Variants in OCLN observed in about 807,000 individuals in gnomAD.
OCLN encodes the protein occludin, also known as phosphatase 1, regulatory subunit 115.
Under a neutral mutation model 47.9 loss-of-function variants are expected in OCLN, and 21 were observed. The observed-to-expected ratio is 0.44, with a 90% confidence interval of 0.31 to 0.63. OCLN has a LOEUF of 0.63. Among genes scored for constraint, OCLN ranks in the 30% least tolerant of loss-of-function variants. The probability of loss-of-function intolerance (pLI) is 0.08; values close to 1 mark genes in which losing one functional copy is unlikely to be tolerated. For synonymous variants in OCLN, 117 were observed against 198.4 expected (o/e 0.59, Z 3.45); for missense variants, 360 against 571.0 (o/e 0.63, Z 3.77).
At chr5:69,507,590 T>A (rs550848978) in intron 2 of OCLN, among the ~76,000 whole-genome samples, 5 of 152,304 alleles carry the variant, frequency 3.3e-5, no homozygotes, top group African/African-American at 1.2e-4. Context: ...TTTTATACTT[T>A]CATTAAAAAT....
intron 1 of OCLN, among the ~76,000 whole-genome samples, chr5:69,494,181 G>C (rs892588203): frequency 3.1e-5 from 2 of 64,906 alleles, no homozygotes; most frequent in African/African-American, 1.3e-4. Context: ...TACATATGAG[G>C]TGCTTGTGTG....
At chr5:69,502,096 G>A (rs542553906) in intron 1 of OCLN, among the ~76,000 whole-genome samples, 2 of 152,236 alleles carry the variant, frequency 1.3e-5, no homozygotes, top group East Asian at 1.9e-4. Context: ...CTACTCGGGA[G>A]GCTGAGGCAG....
At chr5:69,536,345 A>AT (rs1251626093) in intron 5 of OCLN, among the ~76,000 whole-genome samples, 2 of 142,606 alleles carry the variant, frequency 1.4e-5, no homozygotes, top group Middle Eastern at 3.5e-3. Context: ...TATAACTTTA[A>AT]TTTTTTTGAC....
chr5:69,494,017 T>G (rs1185506081), intron 1 of OCLN, among the ~76,000 whole-genome samples: 3 of 152,232 alleles, frequency 2.0e-5, no homozygotes, highest in African/African-American at 7.2e-5. Context: ...CCAGTCAGTG[T>G]GTGGCCCTTA....
At chr5:69,533,288 G>A (rs1769499471) in intron 4 of OCLN, among the ~76,000 whole-genome samples, 1 of 152,084 alleles carries the variant, frequency 6.6e-6, no homozygotes, top group Non-Finnish European at 1.5e-5. Flanking sequence ...TTTGGGCCAA[G>A]GTTGAGAACA....
At chr5:69,518,647 C>A (rs1265238358) in intron 4 of OCLN, among the ~76,000 whole-genome samples, 2 of 152,232 alleles carry the variant, frequency 1.3e-5, no homozygotes, top group African/African-American at 4.8e-5. Flanking sequence ...GGAATTGTGT[C>A]ATCCTGCATC....
chr5:69,514,776 A>G (rs1397590547), intron 4 of OCLN, among the ~76,000 whole-genome samples: 2 of 152,168 alleles, frequency 1.3e-5, no homozygotes, highest in Non-Finnish European at 2.9e-5. Context: ...CACATCTTGC[A>G]CCACTCTTAA....
In OCLN at chr5:69,509,572, T is replaced by A; in HGVS notation, c.482T>A (p.Ile161Lys). Reference protein sequence around the residue: ...AALVIFVTSVIRSEMSRTRRY... With the variant: ...AALVIFVTSVKRSEMSRTRRY... ...TTGGTGATCTTTGTTACCAGTGTTA[T>A]AAGATCTGAAATGTCCAGAACAAGA... Residue 161 changes from isoleucine (I) to lysine (K), a missense_variant, in exon 3 of 9, where the codon ATA becomes AAA. Ile to Lys is a moderately radical substitution (Grantham distance 102). This residue lies in a region of OCLN where 314 missense variants were observed against 368.1 expected (regional missense o/e 0.85). Coordinates refer to ENST00000396442, the MANE Select transcript of OCLN (RefSeq NM_001205254.2). 6.2e-7 allele frequency: 1 copy of A among 1,614,204 alleles called. No individual in the cohort carries two copies. The highest frequency in any genetic ancestry group is 2.2e-5 in the East Asian group (1 of 44,884).
At chr5:69,520,615 TTTTCC>T (rs1183942829) in intron 4 of OCLN, among the ~76,000 whole-genome samples, 1 of 151,828 alleles carries the variant, frequency 6.6e-6, no homozygotes, top group East Asian at 1.9e-4. Context: ...TTAATCATCT[TTTTCC>T]TTTCCTATTT....
chr5:69,515,958 T>C (rs1768952909), intron 4 of OCLN, among the ~76,000 whole-genome samples: 1 of 145,062 alleles, frequency 6.9e-6, no homozygotes, highest in Non-Finnish European at 1.5e-5. Context: ...GAAGAGGCGC[T>C]CCTCACTTCC....
At chr5:69,507,895 C>T (rs770403754) in intron 2 of OCLN, among the ~76,000 whole-genome samples, 6 of 152,304 alleles carry the variant, frequency 3.9e-5, no homozygotes, top group Middle Eastern at 3.4e-3. Flanking sequence ...CGTGAGCCAC[C>T]GTGCCTGGCC....
intron 4 of OCLN, among the ~76,000 whole-genome samples, chr5:69,515,946 G>A (rs1173071755): frequency 3.3e-5 from 5 of 151,552 alleles, no homozygotes; most frequent in African/African-American, 7.3e-5. Flanking sequence ...CATGGGGGCC[G>A]GGAAGAGGCG....
chr5:69,519,693 G>T (rs927781071), intron 4 of OCLN, among the ~76,000 whole-genome samples: 8 of 152,104 alleles, frequency 5.3e-5, no homozygotes, highest in Non-Finnish European at 1.0e-4. Flanking sequence ...AAGTATGGAT[G>T]ATTTGGAAAA....
At chr5:69,530,096 C>T (rs116382845) in intron 4 of OCLN, among the ~76,000 whole-genome samples, 113 of 152,086 alleles carry the variant, frequency 7.4e-4, no homozygotes, top group African/African-American at 2.6e-3. Context: ...CCCAGCTACT[C>T]GGGAGGCTAG....
chr5:69,516,914 G>T (rs970116222), intron 4 of OCLN, among the ~76,000 whole-genome samples: 1 of 152,044 alleles, frequency 6.6e-6, no homozygotes, highest in Non-Finnish European at 1.5e-5. Flanking sequence ...AAAAAAATTA[G>T]CTGGGCATGA....
intron 4 of OCLN, among the ~76,000 whole-genome samples, chr5:69,525,599 C>G (rs1392731897): frequency 2.0e-5 from 3 of 151,916 alleles, no homozygotes; most frequent in Non-Finnish European, 2.9e-5. Flanking sequence ...TACTTTTTAC[C>G]TTTTGGCAAT....
chr5:69,509,470 G>T lies in OCLN; in HGVS notation c.380G>T (p.Gly127Val). Reference protein sequence around the residue: ...GYGYGYGYGYGYGGYTDPRAA... With the variant: ...GYGYGYGYGYVYGGYTDPRAA... ...GGCTATGGCTATGGTTATGGCTATGGCTACGGAGGCTATACAGACCCAAGA... is the reference window on the plus strand; with the variant it reads ...GGCTATGGCTATGGTTATGGCTATGTCTACGGAGGCTATACAGACCCAAGA... Residue 127 changes from glycine to valine, a missense_variant, in exon 3 of 9, where the codon GGC becomes GTC. By Grantham distance (109) the Gly-to-Val change is moderately radical. This residue lies in a region of OCLN where 314 missense variants were observed against 368.1 expected (regional missense o/e 0.85). Coordinates refer to ENST00000396442, the MANE Select transcript of OCLN (RefSeq NM_001205254.2). 1.9e-6 allele frequency: 3 copies of T among 1,614,228 alleles called. No individual in the cohort carries two copies. The highest frequency in any genetic ancestry group is 2.5e-6 in the Non-Finnish European group (3 of 1,180,042).
Position 69,554,549 on chromosome 5 carries a change from AC to A in OCLN, c.*880del, listed in dbSNP as rs1260912241. On this transcript the variant is annotated 3_prime_UTR_variant, in exon 9 of 9. Transcript: ENST00000396442. ...CTATACATATTTTATAAGGTATTAA[AC>A]CTGGTGTTTTCTTTCCATAATAACC... is the stretch of plus-strand genomic sequence containing the variant. 2 of 151,954 alleles carry A rather than the reference AC, an allele frequency of 1.3e-5. No individual in the cohort carries two copies. The highest frequency in any genetic ancestry group is 2.9e-5 in the Non-Finnish European group (2 of 67,996). 9.4% of individuals were successfully genotyped at this position (151,954 alleles called of 1,614,324 possible).
chr5:69,506,646 G>T (rs1160783572), intron 2 of OCLN, among the ~76,000 whole-genome samples: 1 of 152,062 alleles, frequency 6.6e-6, no homozygotes, highest in African/African-American at 2.4e-5. Context: ...AGCATATAAG[G>T]GATACTTATC....
Sources: allele counts gnomAD v4.1 joint callset (sites outside exome capture counted in the v4.1 genomes callset), GRCh38; gene constraint gnomAD v4.1.1; regional missense constraint gnomAD v4.1.1; transcripts MANE v1.5; gene names NCBI Gene and HGNC (gene_info 2026-07-23, HGNC 2026-07-21).